Variants in MGAT4C observed in about 807,000 individuals in gnomAD.
MGAT4C encodes the protein MGAT4 family member C.
Under a neutral mutation model 40.1 loss-of-function variants are expected in MGAT4C, and 19 were observed. That is an observed-to-expected ratio of 0.47 (90% CI 0.33 to 0.70). The LOEUF (loss-of-function observed/expected upper bound fraction) is 0.70. Among genes scored for constraint, MGAT4C ranks in the 30% least tolerant of loss-of-function variants. The probability of loss-of-function intolerance (pLI) is 0.02; values close to 1 mark genes in which losing one functional copy is unlikely to be tolerated. For synonymous variants in MGAT4C, 181 were observed against 187.1 expected (o/e 0.97, Z 0.27); for missense variants, 491 against 563.2 (o/e 0.87, Z 1.30).
chr12:86,831,885 C>T (rs959975549), intron 1 of MGAT4C, among the ~76,000 whole-genome samples: 6 of 151,748 alleles, frequency 4.0e-5, no homozygotes, highest in Non-Finnish European at 8.8e-5. Context: ...CAACCTTTCT[C>T]TTTATGATGA....
At chr12:86,146,303 T>G (rs1359230696) in intron 1 of MGAT4C, among the ~76,000 whole-genome samples, 2 of 152,154 alleles carry the variant, frequency 1.3e-5, no homozygotes, top group African/African-American at 4.8e-5. Flanking sequence ...TTTGCATTCT[T>G]GAGGGAATCC....
At chr12:86,348,779 T>G (rs539950119) in intron 3 of MGAT4C, among the ~76,000 whole-genome samples, 1 of 152,302 alleles carries the variant, frequency 6.6e-6, no homozygotes, top group East Asian at 1.9e-4. Context: ...ATGTTTGGTA[T>G]ATTACAATGA....
chr12:86,784,290 A>G (rs1951894604), intron 1 of MGAT4C, among the ~76,000 whole-genome samples: 1 of 152,098 alleles, frequency 6.6e-6, no homozygotes, highest in South Asian at 2.1e-4. Context: ...TTCTGTGACT[A>G]GATTAGAAAG....
At chr12:86,556,794 C>T (rs1375168967) in intron 2 of MGAT4C, among the ~76,000 whole-genome samples, 1 of 152,130 alleles carries the variant, frequency 6.6e-6, no homozygotes, top group Non-Finnish European at 1.5e-5. Context: ...ATTTTCTGAA[C>T]TACCTGGCCA....
intron 3 of MGAT4C, among the ~76,000 whole-genome samples, chr12:86,358,296 C>G (rs1306349048): frequency 6.6e-6 from 1 of 152,112 alleles, no homozygotes. Flanking sequence ...TTGTCACCAC[C>G]AGGCCTGCCT....
chr12:86,111,117 C>T (rs958549312), intron 1 of MGAT4C, among the ~76,000 whole-genome samples: 1 of 151,636 alleles, frequency 6.6e-6, no homozygotes, highest in South Asian at 2.1e-4. Flanking sequence ...TAGAAAGTTT[C>T]TGGCATTTTA....
Position 85,979,260 on chromosome 12 carries a change from T to C in MGAT4C, c.*29A>G, listed in dbSNP as rs766217087. On this transcript the variant is annotated 3_prime_UTR_variant, in exon 5 of 5. Transcript: ENST00000611864. ...AAAAGACGAAGCAGGAAGAACTGCT[T>C]CAGAAACTGAACATACTGATTTAAT... is the stretch of plus-strand genomic sequence containing the variant. 20 of 1,525,596 alleles carry C rather than the reference T, an allele frequency of 1.3e-5. No homozygotes were observed. In the Admixed American group the frequency reaches 1.4e-4, roughly 11 times the overall value. 94.5% of individuals were successfully genotyped at this position (1,525,596 alleles called of 1,614,324 possible).
intron 2 of MGAT4C, among the ~76,000 whole-genome samples, chr12:86,663,426 G>A (rs2136552056): frequency 6.9e-6 from 1 of 144,832 alleles, no homozygotes; most frequent in Admixed American, 6.9e-5. Flanking sequence ...AGAAAAGAAA[G>A]AAAGAAATGA....
chr12:86,603,626 CT>C, intron 2 of MGAT4C, among the ~76,000 whole-genome samples: 1 of 119,520 alleles, frequency 8.4e-6, no homozygotes, highest in East Asian at 2.3e-4. Flanking sequence ...ATTATATAGT[CT>C]ATAGACTATA....
chr12:86,189,891 T>C (rs370395750), intron 1 of MGAT4C, among the ~76,000 whole-genome samples: 1 of 152,046 alleles, frequency 6.6e-6, no homozygotes, highest in Non-Finnish European at 1.5e-5. Context: ...TTCCTTTTGA[T>C]GGTATAATGT....
chr12:86,434,077 T>C (rs1957094174), intron 3 of MGAT4C, among the ~76,000 whole-genome samples: 1 of 152,064 alleles, frequency 6.6e-6, no homozygotes, highest in South Asian at 2.1e-4. Context: ...TGGAAGGCTA[T>C]TCTGGTGTAA....
rs1951987291 is a variant in MGAT4C, at chr12:86,245,478, TG to T, written c.-57+10760del. 5.3e-5 allele frequency among the ~76,000 whole-genome samples: 8 copies of T among 152,340 alleles called. No homozygotes were observed. The South Asian group carries it at 1.7e-3, about 32-fold the overall frequency. ...TTTGGCCCCATGGGCATCCTCAAAT[TG>T]TTTTTGGGTCTCTGTGCTTCTGTCT... On this transcript the variant is annotated intron_variant, in intron 1 of 4. Coordinates refer to ENST00000611864, the MANE Select transcript of MGAT4C (RefSeq NM_001351288.2).
At chr12:86,157,299 C>A (rs1271319849) in intron 1 of MGAT4C, among the ~76,000 whole-genome samples, 2 of 151,888 alleles carry the variant, frequency 1.3e-5, no homozygotes, top group Admixed American at 6.6e-5. Context: ...ATCGGTCGAT[C>A]CTGAATCTAA....
In MGAT4C at chr12:86,137,917, G is replaced by A. The variant is rs17013660; in HGVS notation, c.-56-88194C>T. On this transcript the variant is annotated intron_variant, in intron 1 of 4. Coordinates refer to ENST00000611864, the MANE Select transcript of MGAT4C (RefSeq NM_001351288.2). ...GTTCAGCTCATTTGCATGGAGTTGG[G>A]AAAAATTCTGAGGAGCATTTTACCC... Among the ~76,000 whole-genome samples the A allele has an allele frequency of 3.4e-3, 518 of 152,266 alleles. 3 individuals are homozygous for A. The highest frequency in any genetic ancestry group is 0.012 in the African/African-American group (496 of 41,556).
intron 1 of MGAT4C, among the ~76,000 whole-genome samples, chr12:86,826,978 C>A (rs1307493883): frequency 6.6e-6 from 1 of 151,406 alleles, no homozygotes; most frequent in East Asian, 1.9e-4. Flanking sequence ...CCTTATACTT[C>A]TAACATAACA....
At chr12:86,309,688 A>G (rs1026117439) in intron 4 of MGAT4C, among the ~76,000 whole-genome samples, 3 of 152,252 alleles carry the variant, frequency 2.0e-5, no homozygotes, top group Non-Finnish European at 2.9e-5. Context: ...CAGGTTAGTA[A>G]AAGCAAAATA....
chr12:86,446,128 G>C (rs2136282937), intron 2 of MGAT4C, among the ~76,000 whole-genome samples: 1 of 151,996 alleles, frequency 6.6e-6, no homozygotes, highest in South Asian at 2.1e-4. Context: ...CAAAAATATA[G>C]AATAAAATTT....
intron 1 of MGAT4C, among the ~76,000 whole-genome samples, chr12:86,229,069 A>AATTAATGATCAATCTGAAT (rs1375826998): frequency 1.3e-5 from 2 of 151,946 alleles, no homozygotes; most frequent in Non-Finnish European, 2.9e-5. Context: ...ATAAGGTATA[A>AATTAATGATCAATCTGAAT]ATTAATGATC....
intron 2 of MGAT4C, among the ~76,000 whole-genome samples, chr12:86,674,953 G>GAT (rs1228253047): frequency 2.6e-5 from 4 of 152,124 alleles, no homozygotes; most frequent in East Asian, 1.9e-4. Context: ...TTAGGACAGG[G>GAT]ATATATATAA....
Sources: gnomAD v4.1 joint callset for allele counts (sites outside exome capture counted in the v4.1 genomes callset) on GRCh38, gnomAD v4.1.1 for gene constraint, MANE v1.5 for transcripts, NCBI Gene and HGNC (gene_info 2026-07-23, HGNC 2026-07-21) for gene names.